CRHR2: variants seen among roughly 807,000 people sequenced by gnomAD.
The protein encoded by CRHR2 is corticotropin-releasing hormone receptor 2.
CRHR2 carries 53 observed loss-of-function variants against 57.9 expected under a neutral mutation model. The observed-to-expected ratio is 0.92, with a 90% CI of 0.73 to 1.15. The LOEUF is 1.15. Ranked by LOEUF, CRHR2 falls within the 50% of genes most tolerant of loss-of-function variation. The probability of loss-of-function intolerance (pLI) is 0.00; values close to 1 mark genes in which losing one functional copy is unlikely to be tolerated. For synonymous variants in CRHR2, 213 were observed against 220.9 expected, an observed-to-expected ratio of 0.96 and a Z score of 0.32; for missense variants, 532 against 542.6, an observed-to-expected ratio of 0.98 and a Z score of 0.19.
upstream of CRHR2, among the ~76,000 whole-genome samples, chr7:30,683,889 C>T (rs1784802432): frequency 6.6e-6 from 1 of 152,218 alleles, no homozygotes; most frequent in Non-Finnish European, 1.5e-5. Flanking sequence ...TAGCACCATG[C>T]CCTGGGCAGA....
chr7:30,661,593 C>T (rs1354273460), intron 7 of CRHR2, among the ~76,000 whole-genome samples: 5 of 152,166 alleles, frequency 3.3e-5, no homozygotes, highest in African/African-American at 4.8e-5. Context: ...CCCTGGTCCC[C>T]GCTGCTCTCA....
chr7:30,684,926 A>G (rs1784824902), upstream of CRHR2, among the ~76,000 whole-genome samples: 1 of 152,250 alleles, frequency 6.6e-6, no homozygotes, highest in East Asian at 1.9e-4. Flanking sequence ...TAACTAAAGA[A>G]GCAGAGGTAG....
chr7:30,688,754 C>T lies in CRHR2; in HGVS notation c.-167+437G>A, dbSNP rs563317044. The T allele has an allele frequency of 2.2e-3, 995 of 455,112 alleles. 5 individuals carry two copies. The highest frequency in any genetic ancestry group is 3.6e-3 in the Non-Finnish European group (813 of 226,280). 28.2% of individuals were successfully genotyped at this position (455,112 alleles called of 1,614,324 possible). ...GCTGGCCCTGACCCTGTGAATCAGC[C>T]ACTGGAAACCTCTGAGGGGCCAGAA... On this transcript the variant is annotated intron_variant, in intron 2 of 13. Transcript: ENST00000341843.
chr7:30,689,659 A>G (rs1784922707), intron 1 of CRHR2, among the ~76,000 whole-genome samples: 1 of 152,310 alleles, frequency 6.6e-6, no homozygotes, highest in South Asian at 2.1e-4. Context: ...AAATATTTGC[A>G]GAACACCTAC....
chr7:30,692,796 C>G (rs986732011), intron 1 of CRHR2, among the ~76,000 whole-genome samples: 1 of 152,186 alleles, frequency 6.6e-6, no homozygotes, highest in African/African-American at 2.4e-5. Flanking sequence ...GCAAATAACC[C>G]CATTTCACAG....
intron 1 of CRHR2, 32 bp from the exon 2 acceptor site, chr7:30,682,072 G>A: frequency 6.4e-7 from 1 of 1,559,424 alleles, no homozygotes; most frequent in Non-Finnish European, 8.7e-7. Context: ...GTAGGGCTCA[G>A]AGGGGCCCGC....
chr7:30,654,747 C>T, intron 11 of CRHR2: 2 of 1,536,308 alleles, frequency 1.3e-6, no homozygotes, highest in Non-Finnish European at 8.7e-7. Flanking sequence ...CTGTCACCAC[C>T]TCTGCTCTGG....
intron 1 of CRHR2, among the ~76,000 whole-genome samples, chr7:30,689,513 G>T (rs1784918714): frequency 6.6e-6 from 1 of 151,746 alleles, no homozygotes; most frequent in African/African-American, 2.4e-5. Context: ...CTAGGCAGGG[G>T]TCTGCTCTGT....
chr7:30,656,070 AG>A lies in CRHR2; in HGVS notation c.832-59del. On this transcript the variant is annotated intron_variant, in intron 8 of 11. Coordinates refer to ENST00000471646, the MANE Select transcript of CRHR2 (RefSeq NM_001883.5). This position sits in a 1 kb window ranked among gnomAD's most constrained non-coding sequence, Gnocchi z 4.4. ...AAGGAAGGAGCACGTGTTTGAGATG[AG>A]CCGAGAGGCAGCCCCCTTCCCCGCA... 6.5e-7 allele frequency: 1 copy of A among 1,531,198 alleles called. No individual in the cohort carries two copies. 94.9% of individuals were successfully genotyped at this position (1,531,198 alleles called of 1,614,324 possible).
chr7:30,656,696 TG>T lies in CRHR2; in HGVS notation c.832-685del. Among the ~76,000 whole-genome samples, 1 of 152,272 alleles carries T rather than the reference TG, an allele frequency of 6.6e-6. No homozygotes were observed. The highest frequency in any genetic ancestry group is 1.5e-5 in the Non-Finnish European group (1 of 67,998). On this transcript the variant is annotated intron_variant, in intron 8 of 11. Coordinates refer to ENST00000471646, the MANE Select transcript of CRHR2 (RefSeq NM_001883.5). The surrounding 1 kb of genome is among the most constrained non-coding windows in gnomAD (Gnocchi z 4.4). ...CACCAGAGCCTCCCCACCCAGCACCTGGCCCTGGAACTGGCCTGTGTGGCTC... is the reference window on the plus strand; with the variant it reads ...CACCAGAGCCTCCCCACCCAGCACCTGCCCTGGAACTGGCCTGTGTGGCTC...
At position 30,681,535 on chromosome 7, in the gene CRHR2, A is replaced by G. The variant is rs78721873; in HGVS notation, c.229+380T>C. ...CTTAGCATATCCGCCCTCCTGGGAT[A>G]GGTCCCCCTCCTGGGCAGGGGAAGC... On this transcript the variant is annotated intron_variant, in intron 2 of 11. Transcript: ENST00000471646. Among the ~76,000 whole-genome samples the G allele has an allele frequency of 7.8e-3, 1,185 of 152,294 alleles. 16 individuals carry two copies. The highest frequency in any genetic ancestry group is 0.027 in the African/African-American group (1,134 of 41,560).
chr7:30,667,420 G>A (rs1372556529), intron 2 of CRHR2, 107 bp from the exon 3 acceptor site: 8 of 810,234 alleles, frequency 9.9e-6, no homozygotes, highest in Non-Finnish European at 1.4e-5. Flanking sequence ...AGCTCTCCTA[G>A]GGCAGCAAAT....
intron 2 of CRHR2, chr7:30,689,133 C>T (rs1000803408): frequency 6.5e-5 from 95 of 1,472,582 alleles, no homozygotes; most frequent in African/African-American, 1.7e-4. Context: ...CTCTTCCTCC[C>T]GCAGGGCCCA....
At chr7:30,654,983 G>T in intron 11 of CRHR2, 56 bp downstream of exon 11, 1 of 1,596,982 alleles carries the variant, frequency 6.3e-7, no homozygotes, top group South Asian at 1.1e-5. Flanking sequence ...AGCTGCCCTG[G>T]AGTGGGGTCT....
At position 30,665,767 on chromosome 7, in the gene CRHR2, G is replaced by T; in HGVS notation, c.316-128C>A. 1.4e-6 allele frequency: 1 copy of T among 723,826 alleles called. No homozygotes were observed. The highest frequency in any genetic ancestry group is 2.3e-6 in the Non-Finnish European group (1 of 433,284). 44.8% of individuals were successfully genotyped at this position (723,826 alleles called of 1,614,324 possible). On this transcript the variant is annotated intron_variant, in intron 3 of 11. Transcript: ENST00000471646. This position sits in a 1 kb window ranked among gnomAD's most constrained non-coding sequence, Gnocchi z 4.5. Reference sequence around the variant, plus strand: ...GAAGTGCTCCAGGTGTCATTGCCGTGCCTGGCTCTTAGGGTTCGTTCCTGT... The same window carrying T: ...GAAGTGCTCCAGGTGTCATTGCCGTTCCTGGCTCTTAGGGTTCGTTCCTGT...
chr7:30,689,296 C>G lies in CRHR2; in HGVS notation c.-260-12G>C, dbSNP rs749382805. On this transcript the variant is annotated splice_polypyrimidine_tract_variant and intron_variant, in intron 1 of 13. Transcript: ENST00000341843. ...CTCTGCCCGGCTGCCTAGGGGACAG[C>G]AAGGATGAGGGTCAAAGATCAGGCC... 5.5e-5 allele frequency: 85 copies of G among 1,548,670 alleles called. 2 individuals are homozygous for G. In the South Asian group the frequency reaches 9.9e-4, roughly 18 times the overall value.
At chr7:30,690,703 A>T (rs907340695) in intron 1 of CRHR2, among the ~76,000 whole-genome samples, 2 of 152,058 alleles carry the variant, frequency 1.3e-5, no homozygotes, top group Non-Finnish European at 2.9e-5. Context: ...AGCCCTCACC[A>T]CGTCAGCCTG....
chr7:30,667,329 A>G lies in CRHR2; in HGVS notation c.230-16T>C. 3 of 1,613,274 alleles carry G rather than the reference A, an allele frequency of 1.9e-6. No individual in the cohort carries two copies. The highest frequency in any genetic ancestry group is 1.7e-6 in the Non-Finnish European group (2 of 1,179,266). On this transcript the variant is annotated splice_polypyrimidine_tract_variant and intron_variant, in intron 2 of 11. Transcript: ENST00000471646. ...TAGGCATTCCCTACAAAAAATGCCA[A>G]CTGCCAAGAGTCAGGTCACTCCCCT...
At chr7:30,686,533 G>C (rs1784860626), upstream of CRHR2, 1 of 1,509,704 alleles carries the variant, frequency 6.6e-7, no homozygotes, top group South Asian at 1.2e-5. Flanking sequence ...TCTTGGCCAG[G>C]TGCAGTGGCT....
Sources: allele counts gnomAD v4.1 joint callset (sites outside exome capture counted in the v4.1 genomes callset), GRCh38; gene constraint gnomAD v4.1.1; non-coding constraint Gnocchi (gnomAD v3.1); transcripts MANE v1.5; gene names NCBI Gene and HGNC (gene_info 2026-07-23, HGNC 2026-07-21).